Variants in RAD51B observed in about 807,000 individuals in gnomAD.
RAD51B encodes the protein DNA repair protein RAD51 homolog 2.
A neutral mutation model predicts 42.2 loss-of-function variants in RAD51B; 38 were observed. That is an observed-to-expected ratio of 0.90 (90% CI 0.70 to 1.18). The LOEUF (loss-of-function observed/expected upper bound fraction) is 1.18, where lower values mean the gene tolerates loss of function less well. Among genes scored for constraint, RAD51B ranks in the 50% most tolerant of loss-of-function variants. The probability of loss-of-function intolerance (pLI) is 0.00; values close to 1 mark genes in which losing one functional copy is unlikely to be tolerated. For synonymous variants in RAD51B, 154 were observed against 145.2 expected (o/e 1.06, Z -0.43); for missense variants, 373 against 400.7 (o/e 0.93, Z 0.59).
At chr14:67,882,729 C>T (rs2042947239) in intron 5 of RAD51B, among the ~76,000 whole-genome samples, 1 of 152,090 alleles carries the variant, frequency 6.6e-6, no homozygotes, top group African/African-American at 2.4e-5. Context: ...TAGACACTCA[C>T]CCAATTAGTC....
At chr14:68,472,961 C>T (rs1486433330) in intron 10 of RAD51B, among the ~76,000 whole-genome samples, 1 of 152,178 alleles carries the variant, frequency 6.6e-6, no homozygotes, top group Non-Finnish European at 1.5e-5. Flanking sequence ...TGTTTGTTCC[C>T]TTGTCACAAA....
intron 8 of RAD51B, among the ~76,000 whole-genome samples, chr14:68,346,077 T>A (rs1037071412): frequency 3.3e-5 from 5 of 152,252 alleles, no homozygotes; most frequent in Non-Finnish European, 7.3e-5. Flanking sequence ...AAAGATCCTA[T>A]ATTTGTTTTT....
chr14:68,370,994 G>C (rs1350679578), intron 8 of RAD51B, among the ~76,000 whole-genome samples: 8 of 127,054 alleles, frequency 6.3e-5, no homozygotes, highest in Admixed American at 1.0e-4. Context: ...CCAAGACTGT[G>C]CTGCTGCACT....
At chr14:68,364,056 T>C (rs2083088255) in intron 8 of RAD51B, among the ~76,000 whole-genome samples, 2 of 152,270 alleles carry the variant, frequency 1.3e-5, no homozygotes, top group Admixed American at 1.3e-4. Flanking sequence ...GAAGGAAGTA[T>C]CTGCTGCTGA....
At chr14:68,468,038 G>T (rs1007137761) in intron 9 of RAD51B, 134 bp from the exon 10 acceptor site, 130 of 589,260 alleles carry the variant, frequency 2.2e-4, no homozygotes, top group African/African-American at 5.5e-4. Flanking sequence ...TTATAAAATG[G>T]TTTTTTTTTT....
chr14:68,391,182 C>CTTTCTTT (rs765612608), intron 8 of RAD51B, among the ~76,000 whole-genome samples: 5 of 121,402 alleles, frequency 4.1e-5, no homozygotes, highest in African/African-American at 1.6e-4. Flanking sequence ...TTCTTTCTTT[C>CTTTCTTT]TTCTTTCCTT....
chr14:67,988,491 A>G (rs1334962948), intron 7 of RAD51B, among the ~76,000 whole-genome samples: 1 of 152,124 alleles, frequency 6.6e-6, no homozygotes, highest in Non-Finnish European at 1.5e-5. Flanking sequence ...TAAATAAATA[A>G]TAATAAAAAA....
chr14:68,343,691 A>G (rs922040971), intron 8 of RAD51B, among the ~76,000 whole-genome samples: 2 of 152,278 alleles, frequency 1.3e-5, no homozygotes, highest in African/African-American at 2.4e-5. Flanking sequence ...GGGAAAAGGC[A>G]TATCAGAGAT....
intron 10 of RAD51B, among the ~76,000 whole-genome samples, chr14:68,491,863 G>A (rs961617483): frequency 6.6e-6 from 1 of 152,222 alleles, no homozygotes; most frequent in African/African-American, 2.4e-5. Flanking sequence ...ACATAAATCA[G>A]ATCATGCCAT....
chr14:67,852,439 A>G (rs1265834204), intron 4 of RAD51B, among the ~76,000 whole-genome samples: 1 of 152,210 alleles, frequency 6.6e-6, no homozygotes, highest in Non-Finnish European at 1.5e-5. Context: ...TACATGGCTT[A>G]TATGGCTGGG....
At chr14:68,078,534 T>C (rs1226889901) in intron 7 of RAD51B, among the ~76,000 whole-genome samples, 1 of 152,138 alleles carries the variant, frequency 6.6e-6, no homozygotes, top group Non-Finnish European at 1.5e-5. Flanking sequence ...GCAGCTTGTC[T>C]AGGTGCAATG....
intron 9 of RAD51B, among the ~76,000 whole-genome samples, chr14:68,437,531 T>G (rs1163993797): frequency 6.6e-6 from 1 of 152,220 alleles, no homozygotes; most frequent in Non-Finnish European, 1.5e-5. Context: ...GTAACTCTTC[T>G]ATTTTTATCT....
chr14:68,124,149 T>C (rs1423223883), intron 7 of RAD51B, among the ~76,000 whole-genome samples: 2 of 152,196 alleles, frequency 1.3e-5, no homozygotes, highest in Admixed American at 1.3e-4. Context: ...TAAGCACATA[T>C]GAAGATTGGA....
At chr14:67,844,593 C>A (rs911710774) in intron 4 of RAD51B, among the ~76,000 whole-genome samples, 3 of 147,836 alleles carry the variant, frequency 2.0e-5, no homozygotes, top group Non-Finnish European at 3.0e-5. Context: ...ATGTAGTGCC[C>A]TTGTCTTTTA....
chr14:68,508,582 T>C (rs1466408384), intron 10 of RAD51B, among the ~76,000 whole-genome samples: 4 of 152,118 alleles, frequency 2.6e-5, no homozygotes, highest in African/African-American at 7.2e-5. Context: ...ACCACTGAGA[T>C]TGCAGCCTGG....
chr14:68,325,208 A>G (rs2082226256), intron 8 of RAD51B, among the ~76,000 whole-genome samples: 1 of 152,236 alleles, frequency 6.6e-6, no homozygotes, highest in South Asian at 2.1e-4. Context: ...CTACCTAATA[A>G]GGATTAAGTG....
intron 10 of RAD51B, chr14:68,541,469 C>T (rs1887963459): frequency 1.0e-6 from 1 of 985,304 alleles, no homozygotes; most frequent in Non-Finnish European, 1.2e-6. Flanking sequence ...GGAATGGCCC[C>T]TCTGGCTGAA....
At chr14:67,875,880 T>C (rs573445987) in intron 5 of RAD51B, among the ~76,000 whole-genome samples, 21 of 152,302 alleles carry the variant, frequency 1.4e-4, no homozygotes, top group African/African-American at 4.3e-4. Flanking sequence ...CATTGACATA[T>C]TGACATATTT....
At chr14:68,002,974 T>A (rs1331675380) in intron 7 of RAD51B, among the ~76,000 whole-genome samples, 1 of 152,202 alleles carries the variant, frequency 6.6e-6, no homozygotes, top group African/African-American at 2.4e-5. Flanking sequence ...TGTCTCTAGC[T>A]TTGTTCTTTT....
Sources: gnomAD v4.1 joint callset for allele counts (sites outside exome capture counted in the v4.1 genomes callset) on GRCh38, gnomAD v4.1.1 for gene constraint, MANE v1.5 for transcripts, NCBI Gene and HGNC (gene_info 2026-07-23, HGNC 2026-07-21) for gene names.